The following NBPF12 variants were observed in gnomAD, a reference collection of about 807,000 sequenced individuals.
NBPF12 encodes the protein NBPF family member NBPF12.
In NBPF12, 115 loss-of-function variants were observed where a neutral mutation model predicts 146.4. The observed-to-expected ratio is 0.79, with a 90% CI of 0.68 to 0.92. The LOEUF is 0.92. Ranked by LOEUF, NBPF12 falls within the 40% of genes least tolerant of loss-of-function variation. The pLI, the probability that NBPF12 is intolerant of heterozygous loss-of-function variation, is 0.00. For missense variants in NBPF12, 1,205 were observed against 1,326.8 expected (o/e 0.91, Z 1.43); for synonymous variants, 385 against 508.9 (o/e 0.76, Z 3.28).
intron 2 of NBPF12, among the ~76,000 whole-genome samples, chr1:146,958,168 G>C (rs1655690344): frequency 8.7e-6 from 1 of 115,558 alleles, no homozygotes; most frequent in Non-Finnish European, 1.9e-5. Flanking sequence ...CCTGGTGTGT[G>C]ATGTTCCCCG....
In NBPF12 at chr1:146,965,769, G is replaced by A. The variant is rs1201534488; in HGVS notation, c.778+665G>A. Among the ~76,000 whole-genome samples the A allele has an allele frequency of 1.7e-5, 2 of 120,484 alleles. 1 individual carries two copies. The highest frequency in any genetic ancestry group is 6.6e-5 in the African/African-American group (2 of 30,456). 79.0% of individuals were successfully genotyped at this position (120,484 alleles called of 152,430 possible). ...ATTGTGGCACTGCACTCCAGCCTGG[G>A]AGACAGAGCGAGACTGCATCTCAAA... is the stretch of plus-strand genomic sequence containing the variant. On this transcript the variant is annotated intron_variant, in intron 8 of 33. Transcript: ENST00000617844.
In NBPF12 at chr1:146,972,978, A is replaced by C. The variant is rs1553886831; in HGVS notation, c.1801+18A>C. 0.011 allele frequency: 10,477 copies of C among 916,814 alleles called. 167 individuals carry two copies. Among genetic ancestry groups the C allele is most frequent in the Middle Eastern group, 0.027 (85 of 3,170 alleles). 56.8% of individuals were successfully genotyped at this position (916,814 alleles called of 1,614,324 possible). ...CAAATACAGTAAGATCTATATGCTCACCATCATGAAAGTGATGAACGAAGT... is the reference window on the plus strand; with the variant it reads ...CAAATACAGTAAGATCTATATGCTCCCCATCATGAAAGTGATGAACGAAGT... On this transcript the variant is annotated intron_variant, in intron 14 of 33. Transcript: ENST00000617844.
At chr1:146,981,452 G>A (rs1169700369) in intron 19 of NBPF12, among the ~76,000 whole-genome samples, 13 of 151,318 alleles carry the variant, frequency 8.6e-5, no homozygotes, top group African/African-American at 2.9e-4. Flanking sequence ...TCCCTTTGTG[G>A]GTAATCCGAC....
chr1:146,994,209 C>T, intron 33 of NBPF12, 123 bp from the exon 37 acceptor site: 2 of 1,593,530 alleles, frequency 1.3e-6, no homozygotes, highest in Non-Finnish European at 1.7e-6. Flanking sequence ...AATTTGTTAC[C>T]TCATTAATGG....
chr1:146,948,275 G>T (rs1655159053), upstream of NBPF12, among the ~76,000 whole-genome samples: 2 of 152,014 alleles, frequency 1.3e-5, no homozygotes, highest in Middle Eastern at 6.8e-3. Flanking sequence ...CTCTCAAAGT[G>T]CTAGGATTAC....
intron 1 of NBPF12, 73 bp downstream of exon 1, chr1:146,939,085 C>T (rs1415298133): frequency 3.3e-5 from 5 of 152,208 alleles, no homozygotes; most frequent in African/African-American, 1.2e-4. Context: ...TTTTGTTACG[C>T]GAGCGGGGCG....
intron 13 of NBPF12, among the ~76,000 whole-genome samples, chr1:146,972,026 T>A (rs1301304610): frequency 6.7e-6 from 1 of 148,274 alleles, no homozygotes; most frequent in Non-Finnish European, 1.5e-5. Flanking sequence ...AACCGGATCT[T>A]GCAGTGAGCC....
intron 4 of NBPF12, among the ~76,000 whole-genome samples, chr1:146,961,644 T>A (rs1221256295): frequency 1.3e-5 from 2 of 152,196 alleles, no homozygotes; most frequent in East Asian, 3.9e-4. Flanking sequence ...TGTCTCACAC[T>A]TTATGCTTCA....
chr1:146,972,601 A>C, intron 13 of NBPF12, 150 bp from the exon 17 acceptor site: 1 of 763,308 alleles, frequency 1.3e-6, no homozygotes, highest in South Asian at 1.5e-5. Context: ...CTTAAAGGAG[A>C]TCAAGACTGG....
chr1:146,971,509 A>G (rs1306775881), intron 13 of NBPF12, 115 bp downstream of exon 16: 487,247 of 745,004 alleles, frequency 0.65, 189,775 homozygotes, highest in East Asian at 1. Flanking sequence ...CTAGGATGGA[A>G]CTAGGTGCTG....
chr1:146,973,980 G>T (rs1427224520), intron 14 of NBPF12, among the ~76,000 whole-genome samples: 1 of 150,812 alleles, frequency 6.6e-6, no homozygotes, highest in Non-Finnish European at 1.5e-5. Flanking sequence ...CATCCAAGTT[G>T]CTTGTCTTGT....
intron 17 of NBPF12, among the ~76,000 whole-genome samples, 163 bp downstream of exon 20, chr1:146,977,164 G>GT (rs1657095316): frequency 6.7e-6 from 1 of 148,514 alleles, no homozygotes; most frequent in African/African-American, 2.5e-5. Context: ...CAGGTGTCAT[G>GT]TTTCTCTATG....
At chr1:146,994,187 C>G in intron 33 of NBPF12, 145 bp from the exon 37 acceptor site, 1 of 1,524,244 alleles carries the variant, frequency 6.6e-7, no homozygotes. Flanking sequence ...TCTATCCCAA[C>G]ATAAAGGCAA....
At chr1:146,961,794 A>G (rs1321272176) in intron 4 of NBPF12, among the ~76,000 whole-genome samples, 1 of 152,048 alleles carries the variant, frequency 6.6e-6, no homozygotes, top group South Asian at 2.1e-4. Context: ...CGACTGTACA[A>G]GAAATCACTA....
At chr1:146,994,175 G>A (rs1331789805) in intron 33 of NBPF12, among the ~76,000 whole-genome samples, 157 bp from the exon 37 acceptor site, 11 of 126,966 alleles carry the variant, frequency 8.7e-5, no homozygotes. Flanking sequence ...ACCTGGCCCT[G>A]TTCTATCCCA....
chr1:146,942,761 A>G (rs1432984513), intron 1 of NBPF12, among the ~76,000 whole-genome samples: 1 of 143,886 alleles, frequency 6.9e-6, no homozygotes, highest in Non-Finnish European at 1.5e-5. Context: ...ATATACGGGT[A>G]CAGATAGACC....
At chr1:146,962,055 G>A (rs1359303946) in intron 4 of NBPF12, 106 bp from the exon 8 acceptor site, 2 of 930,296 alleles carry the variant, frequency 2.1e-6, no homozygotes, top group African/African-American at 3.2e-5. Flanking sequence ...CCTGGTACTG[G>A]GGAGAGTTTT....
chr1:146,966,010 G>A (rs1386007086), intron 8 of NBPF12, among the ~76,000 whole-genome samples: 1 of 151,758 alleles, frequency 6.6e-6, no homozygotes, highest in East Asian at 1.9e-4. Flanking sequence ...GGCAGGCTGA[G>A]TGATGAGAAT....
upstream of NBPF12, among the ~76,000 whole-genome samples, chr1:146,945,011 C>T (rs1654974906): frequency 3.5e-4 from 12 of 34,394 alleles, no homozygotes; most frequent in Non-Finnish European, 6.2e-4. Context: ...TCCCTTCCTT[C>T]CTCCCTCCCT....
Sources: allele counts gnomAD v4.1 joint callset (sites outside exome capture counted in the v4.1 genomes callset), GRCh38; gene constraint gnomAD v4.1.1; transcripts MANE v1.5; gene names NCBI Gene and HGNC (gene_info 2026-07-23, HGNC 2026-07-21).